The following WDFY4 variants were observed in gnomAD, a reference collection of about 807,000 sequenced individuals.
WDFY4 encodes the protein WD repeat- and FYVE domain-containing protein 4.
In WDFY4, 169 loss-of-function variants were observed where a neutral mutation model predicts 351.9. That is an observed-to-expected ratio of 0.48 (90% CI 0.42 to 0.55). WDFY4 has a LOEUF of 0.55. WDFY4 is among the 20% of genes least tolerant of loss of function. The probability of loss-of-function intolerance (pLI) is 0.00; values close to 1 mark genes in which losing one functional copy is unlikely to be tolerated. For missense variants in WDFY4, 3,803 were observed against 3,935.6 expected (o/e 0.97, Z 0.90); for synonymous variants, 1,622 against 1,574.6 (o/e 1.03, Z -0.71).
At chr10:48,698,030 C>A (rs2063377911) in intron 1 of WDFY4, among the ~76,000 whole-genome samples, 1 of 152,188 alleles carries the variant, frequency 6.6e-6, no homozygotes, top group Non-Finnish European at 1.5e-5. Flanking sequence ...TGTGCCCCAG[C>A]TCTTGAGATG....
In WDFY4 at chr10:48,731,135, C is replaced by A. The variant is rs1295443003; in HGVS notation, c.1155C>A (p.Ala385=). The A allele has an allele frequency of 1.9e-6, 3 of 1,547,488 alleles. No homozygotes were observed. The highest frequency in any genetic ancestry group is 4.9e-5 in the East Asian group (2 of 40,818). The change falls in exon 9 of 62, where the codon GCC becomes GCA. Residue 385 remains alanine, a synonymous_variant. Transcript: ENST00000325239. ...ASGVTVKNLQ[A]FQVLQNVFHK... ...GGGTGACTGTTAAGAATCTTCAGGC[C>A]TTCCAGGTCCTACAGAATGTTTTCC... is the stretch of plus-strand genomic sequence containing the variant.
At chr10:48,859,794 T>C (rs2069271310) in intron 39 of WDFY4, among the ~76,000 whole-genome samples, 1 of 152,228 alleles carries the variant, frequency 6.6e-6, no homozygotes, top group Admixed American at 6.5e-5. Flanking sequence ...TCTTTTTAAA[T>C]TTTTAATAAA....
In WDFY4 at chr10:48,768,009, C is replaced by T. The variant is rs192024000; in HGVS notation, c.2554-6449C>T. Among the ~76,000 whole-genome samples the T allele has an allele frequency of 5.9e-5, 9 of 152,220 alleles. No homozygotes were observed. The East Asian group carries it at 1.7e-3, about 29-fold the overall frequency. The stretch of plus-strand genomic sequence containing the variant: ...ACAAGCCCTACTTTCATGCTGGGGA[C>T]CACACTGGGGACTGTTGTACCAGGG... On this transcript the variant is annotated intron_variant, in intron 13 of 61. Transcript: ENST00000325239.
intron 6 of WDFY4, among the ~76,000 whole-genome samples, chr10:48,726,597 A>G (rs2064276412): frequency 6.6e-6 from 1 of 152,094 alleles, no homozygotes; most frequent in African/African-American, 2.4e-5. Flanking sequence ...CCAGGACTGG[A>G]CTCCAGCTCT....
At chr10:48,707,604 A>G (rs1406820926) in intron 1 of WDFY4, among the ~76,000 whole-genome samples, 2 of 152,264 alleles carry the variant, frequency 1.3e-5, no homozygotes, top group Non-Finnish European at 2.9e-5. Context: ...AATGAACTTG[A>G]CAAACACAGA....
Position 48,775,779 on chromosome 10 carries a change from A to C in WDFY4, c.2836A>C (p.Thr946Pro). 2 of 1,551,730 alleles carry C rather than the reference A, an allele frequency of 1.3e-6. No homozygotes were observed. The highest frequency in any genetic ancestry group is 1.7e-6 in the Non-Finnish European group (2 of 1,146,992). The change falls in exon 15 of 62, where the codon ACA becomes CCA. Residue 946 changes from threonine (T) to proline (P), a missense_variant. Transcript: ENST00000325239. ...AACAAAAATCCTTGATTCATCTCAC[A>C]CACACAGAGGCAACCCTGGGTGCTC... The part of the protein sequence containing the change: ...ATTKILDSSH[T>P]HRGNPGCSGS...
At chr10:48,830,315 C>A (rs2068146845) in intron 37 of WDFY4, among the ~76,000 whole-genome samples, 1 of 152,126 alleles carries the variant, frequency 6.6e-6, no homozygotes, top group Admixed American at 6.5e-5. Flanking sequence ...TTGGAAGGAG[C>A]TGTTTGAGTG....
intron 39 of WDFY4, among the ~76,000 whole-genome samples, chr10:48,844,521 G>T (rs1004762470): frequency 6.6e-6 from 1 of 152,130 alleles, no homozygotes; most frequent in Admixed American, 6.5e-5. Context: ...GAACCCTGGA[G>T]GCAGAGGTTG....
chr10:48,697,469 T>TA (rs1341250582), intron 1 of WDFY4, among the ~76,000 whole-genome samples: 1 of 152,218 alleles, frequency 6.6e-6, no homozygotes, highest in African/African-American at 2.4e-5. Flanking sequence ...GAACCCGGCC[T>TA]CCAAGGTGAT....
intron 12 of WDFY4, among the ~76,000 whole-genome samples, chr10:48,746,563 T>G (rs887641823): frequency 2.0e-5 from 3 of 152,178 alleles, no homozygotes; most frequent in African/African-American, 7.2e-5. Context: ...TGTTTACGCT[T>G]TCATAATTAT....
Position 48,709,699 on chromosome 10 carries a change from A to G in WDFY4, c.-17-17A>G, listed in dbSNP as rs754924776. 13 of 1,545,828 alleles carry G rather than the reference A, an allele frequency of 8.4e-6. No individual in the cohort carries two copies. Among genetic ancestry groups the G allele is most frequent in the Non-Finnish European group, 1.1e-5 (13 of 1,141,698 alleles). ...TGATGTGACAGGAATGTTCACTTCT[A>G]TTTGTTCTGAATTCAGATCTGCTTT... On this transcript the variant is annotated splice_polypyrimidine_tract_variant and intron_variant, in intron 1 of 61. Transcript: ENST00000325239.
Position 48,946,157 on chromosome 10 carries a change from G to A in WDFY4, c.7867G>A (p.Gly2623Arg), listed in dbSNP as rs1484542951. Reference sequence around the variant, plus strand: ...GTTTAAAGAAGTTGAGAAAACTGAAGGTGAGTAGATCCAGCTTGATTTTTG... The same window carrying A: ...GTTTAAAGAAGTTGAGAAAACTGAAAGTGAGTAGATCCAGCTTGATTTTTG... ...QRFKEVEKTE[G>R]DMTVQCHYYT... Residue 2623 changes from glycine to arginine, a missense_variant and splice_region_variant, in exon 50 of 62, where the codon GGA (glycine) becomes AGA (arginine). Physicochemically the swap from Gly to Arg is moderately radical, Grantham distance 125 (BLOSUM62 -2). Coordinates refer to ENST00000325239, the MANE Select transcript of WDFY4 (RefSeq NM_001394531.1). 1 of 1,544,368 alleles carries A rather than the reference G, an allele frequency of 6.5e-7. No homozygotes were observed. The highest frequency in any genetic ancestry group is 8.8e-7 in the Non-Finnish European group (1 of 1,142,802).
In WDFY4 at chr10:48,943,356, T is replaced by C; in HGVS notation, c.7656T>C (p.Tyr2552=). The part of the protein sequence containing the change: ...WQKRDISNFE[Y]LMYLNTAAGR... ...AAAGGGACATCAGCAATTTTGAGTA[T>C]CTCATGTACCTCAACACCGCGGCTG... Residue 2552 remains tyrosine, a synonymous_variant, in exon 49 of 62, where the codon TAT becomes TAC. Transcript: ENST00000325239. 2 of 1,551,690 alleles carry C rather than the reference T, an allele frequency of 1.3e-6. No homozygotes were observed. Among genetic ancestry groups the C allele is most frequent in the Non-Finnish European group, 8.7e-7 (1 of 1,146,980 alleles).
chr10:48,901,792 T>C lies in WDFY4; in HGVS notation c.7524-9T>C. ...TGCTGATGGAATTATCCCTTCCCTT[T>C]TCATGTAGCTTCTGCTCTTTCCAAC... On this transcript the variant is annotated splice_polypyrimidine_tract_variant and intron_variant, in intron 46 of 61. Transcript: ENST00000325239. 6.4e-7 allele frequency: 1 copy of C among 1,551,500 alleles called. No individual in the cohort carries two copies. Among genetic ancestry groups the C allele is most frequent in the Non-Finnish European group, 8.7e-7 (1 of 1,146,828 alleles).
At chr10:48,976,201 G>C (rs1406689771) in intron 58 of WDFY4, among the ~76,000 whole-genome samples, 2 of 152,204 alleles carry the variant, frequency 1.3e-5, no homozygotes, top group Non-Finnish European at 2.9e-5. Flanking sequence ...TTAGGGCAAG[G>C]CTCAAAGGGA....
rs539669606 is a variant in WDFY4, at chr10:48,854,586, A to G, written c.6664-12679A>G. Among the ~76,000 whole-genome samples the G allele has an allele frequency of 1.1e-4, 16 of 152,330 alleles. No individual in the cohort carries two copies. The South Asian group carries it at 3.3e-3, about 32-fold the overall frequency. On this transcript the variant is annotated intron_variant, in intron 39 of 61. Coordinates refer to ENST00000325239, the MANE Select transcript of WDFY4 (RefSeq NM_001394531.1). ...TCCTAGTAACCTCATTTTATAGATG[A>G]TAAGTAAAGTTTCAGAAAGATTGAG...
rs999037292 is a variant in WDFY4 at position 48,822,807 on chromosome 10, C to A, written c.5982+270C>A. Among the ~76,000 whole-genome samples the A allele has an allele frequency of 3.9e-5, 6 of 152,222 alleles. No individual in the cohort carries two copies. In the East Asian group the frequency reaches 9.6e-4, roughly 24 times the overall value. ...ACCTGAGCTCTGTAAACTCCTAGAA[C>A]CTGCTTCCTTCCCTTTGGGTTTTTA... On this transcript the variant is annotated intron_variant, in intron 35 of 61. Transcript: ENST00000325239.
At position 48,946,262 on chromosome 10, in the gene WDFY4, A is replaced by G. The variant is rs1027179192; in HGVS notation, c.7867+105A>G. 5.6e-6 allele frequency: 5 copies of G among 891,208 alleles called. No homozygotes were observed. In the South Asian group the frequency reaches 6.5e-5, roughly 12 times the overall value. 55.2% of individuals were successfully genotyped at this position (891,208 alleles called of 1,614,324 possible). Reference sequence around the variant, plus strand: ...GGTCACCTAGCCTACAAGTAATTGCATTTGAATAGAGGACTCTAACCTGGT... The same window carrying G: ...GGTCACCTAGCCTACAAGTAATTGCGTTTGAATAGAGGACTCTAACCTGGT... On this transcript the variant is annotated intron_variant, in intron 50 of 61. Transcript: ENST00000325239.
At chr10:48,849,894 T>C (rs187445955) in intron 39 of WDFY4, among the ~76,000 whole-genome samples, 25 of 152,370 alleles carry the variant, frequency 1.6e-4, no homozygotes, top group Admixed American at 1.2e-3. Context: ...CTCTGGTTTG[T>C]GACAATTTCT....
Sources: allele counts gnomAD v4.1 joint callset (sites outside exome capture counted in the v4.1 genomes callset), GRCh38; gene constraint gnomAD v4.1.1; transcripts MANE v1.5; gene names NCBI Gene and HGNC (gene_info 2026-07-23, HGNC 2026-07-21).